Variants in COLGALT2 observed in about 807,000 individuals in gnomAD.
COLGALT2 encodes collagen beta(1-O)galactosyltransferase 2, also known as procollagen galactosyltransferase 2.
COLGALT2 carries 49 observed loss-of-function variants against 73.4 expected under a neutral mutation model. That is an observed-to-expected ratio of 0.67 (90% CI 0.53 to 0.85). COLGALT2 has a LOEUF of 0.85. Among genes scored for constraint, COLGALT2 ranks in the 40% least tolerant of loss-of-function variants. The pLI, the probability that COLGALT2 is intolerant of heterozygous loss-of-function variation, is 0.00. For synonymous variants in COLGALT2, 295 were observed against 307.6 expected, an observed-to-expected ratio of 0.96 and a Z score of 0.43; for missense variants, 722 against 790.2, an observed-to-expected ratio of 0.91 and a Z score of 1.03.
intron 10 of COLGALT2, 96 bp downstream of exon 10, chr1:183,944,100 T>G (rs1670184517): frequency 1.5e-6 from 2 of 1,342,806 alleles, no homozygotes; most frequent in African/African-American, 3.0e-5. Context: ...AAGCTTAAGC[T>G]GTATCTCCTA....
At chr1:183,950,176 T>C (rs1037826969) in intron 8 of COLGALT2, among the ~76,000 whole-genome samples, 3 of 152,174 alleles carry the variant, frequency 2.0e-5, no homozygotes, top group Non-Finnish European at 4.4e-5. Flanking sequence ...GGGTCCAGCC[T>C]CAGAGAGCAT....
chr1:183,946,777 A>G (rs1670261044), intron 8 of COLGALT2, among the ~76,000 whole-genome samples: 1 of 152,216 alleles, frequency 6.6e-6, no homozygotes, highest in African/African-American at 2.4e-5. Flanking sequence ...CACGCCTGTA[A>G]TCCCACGACT....
chr1:183,997,400 C>T (rs1340353267), intron 1 of COLGALT2, among the ~76,000 whole-genome samples: 1 of 152,148 alleles, frequency 6.6e-6, no homozygotes, highest in African/African-American at 2.4e-5. Flanking sequence ...AGTTACTCCT[C>T]TTCCTTCTCG....
In COLGALT2 at chr1:183,960,149, T is replaced by C. The variant is rs143105316; in HGVS notation, c.952+3752A>G. Among the ~76,000 whole-genome samples the C allele has an allele frequency of 2.1e-3, 324 of 152,288 alleles. 3 individuals carry two copies. Among genetic ancestry groups the C allele is most frequent in the South Asian group, 0.013 (64 of 4,828 alleles). ...CAGCCTGATTATCTCTTCTAACACCTTCATTGGCTCCTTAAGATAGGAATT... is the reference window on the plus strand; with the variant it reads ...CAGCCTGATTATCTCTTCTAACACCCTCATTGGCTCCTTAAGATAGGAATT... On this transcript the variant is annotated intron_variant, in intron 6 of 11. Transcript: ENST00000361927.
At chr1:184,004,306 A>G (rs539124268) in intron 1 of COLGALT2, among the ~76,000 whole-genome samples, 44 of 152,350 alleles carry the variant, frequency 2.9e-4, no homozygotes, top group Non-Finnish European at 4.7e-4. Flanking sequence ...GAAGTCTGGT[A>G]ATAATAGGAA....
intron 1 of COLGALT2, among the ~76,000 whole-genome samples, chr1:184,026,258 TG>T (rs1405856660): frequency 6.6e-6 from 1 of 152,136 alleles, no homozygotes; most frequent in Non-Finnish European, 1.5e-5. Flanking sequence ...TCCAGGTGAT[TG>T]TTATTTTCTT....
intron 1 of COLGALT2, among the ~76,000 whole-genome samples, chr1:183,985,419 TG>T (rs1671460711): frequency 6.6e-6 from 1 of 152,172 alleles, no homozygotes; most frequent in South Asian, 2.1e-4. Context: ...ATTACAGGCA[TG>T]CGCCACCATG....
At chr1:183,996,022 G>A (rs1374540747) in intron 1 of COLGALT2, among the ~76,000 whole-genome samples, 3 of 152,100 alleles carry the variant, frequency 2.0e-5, no homozygotes, top group South Asian at 4.2e-4. Context: ...CTAAGTAAAC[G>A]AATCTTGTGT....
chr1:183,936,534 A>T lies in COLGALT2; in HGVS notation c.*2227T>A. ...CTGACAGGGGAACAGGAAAAAAAAA[A>T]TTCTCTATTAAACAAAACACCACAA... On this transcript the variant is annotated 3_prime_UTR_variant, in exon 12 of 12. Transcript: ENST00000361927. 9.5e-7 allele frequency: 1 copy of T among 1,053,160 alleles called. No homozygotes were observed. Among genetic ancestry groups the T allele is most frequent in the Non-Finnish European group, 1.1e-6 (1 of 874,730 alleles). 65.2% of individuals were successfully genotyped at this position (1,053,160 alleles called of 1,614,324 possible).
chr1:183,961,267 T>C (rs928290739), intron 6 of COLGALT2, among the ~76,000 whole-genome samples: 2 of 152,222 alleles, frequency 1.3e-5, no homozygotes, highest in Non-Finnish European at 2.9e-5. Context: ...TCAAATGAAC[T>C]CTACCTGGCT....
intron 1 of COLGALT2, 131 bp downstream of exon 1, chr1:184,036,964 C>T: frequency 1.3e-6 from 1 of 794,634 alleles, no homozygotes; most frequent in Non-Finnish European, 1.7e-6. Flanking sequence ...GTGTGTGCGC[C>T]AGATTTTCCG....
intron 1 of COLGALT2, among the ~76,000 whole-genome samples, chr1:184,023,893 G>T (rs1040935156): frequency 6.6e-6 from 1 of 151,544 alleles, no homozygotes; most frequent in Non-Finnish European, 1.5e-5. Context: ...TGCTTCTGTT[G>T]TTCATGAAAA....
intron 6 of COLGALT2, among the ~76,000 whole-genome samples, chr1:183,962,162 T>TTC (rs1670726596): frequency 7.9e-6 from 1 of 126,780 alleles, no homozygotes; most frequent in Non-Finnish European, 1.7e-5. Context: ...TTCTTTTTTT[T>TTC]TTTTTTTTTT....
chr1:183,949,765 G>T lies in COLGALT2; in HGVS notation c.1136+1242C>A, dbSNP rs78338079. Among the ~76,000 whole-genome samples, 15 of 152,300 alleles carry T rather than the reference G, an allele frequency of 9.8e-5. No homozygotes were observed. The East Asian group carries it at 2.9e-3, about 29-fold the overall frequency. On this transcript the variant is annotated intron_variant, in intron 8 of 11. Transcript: ENST00000361927. ...AAATGAAAAACTCTTTTGCTTCAAT[G>T]TATACCATCATGAAATTGTGACAAT...
intron 6 of COLGALT2, among the ~76,000 whole-genome samples, chr1:183,963,405 G>A (rs1271933811): frequency 6.6e-6 from 1 of 152,082 alleles, no homozygotes; most frequent in Non-Finnish European, 1.5e-5. Flanking sequence ...AAAGTGCTTA[G>A]CATTTTATGA....
intron 8 of COLGALT2, 93 bp from the exon 9 acceptor site, chr1:183,945,657 T>TC: frequency 7.0e-7 from 1 of 1,420,138 alleles, no homozygotes; most frequent in African/African-American, 1.4e-5. Context: ...CAAACACCCC[T>TC]CCCCCACACA....
chr1:183,954,944 A>C, intron 6 of COLGALT2, 106 bp from the exon 7 acceptor site: 1 of 851,360 alleles, frequency 1.2e-6, no homozygotes, highest in Admixed American at 2.0e-5. Context: ...ACTTGGAAAT[A>C]CAGGGCAGGG....
At chr1:183,968,708 T>C (rs1670949349) in intron 5 of COLGALT2, among the ~76,000 whole-genome samples, 1 of 152,160 alleles carries the variant, frequency 6.6e-6, no homozygotes, top group Non-Finnish European at 1.5e-5. Context: ...CTCCCTGTTG[T>C]TTCTGCCTTG....
chr1:183,994,668 T>A (rs529308105), intron 1 of COLGALT2, among the ~76,000 whole-genome samples: 1 of 152,088 alleles, frequency 6.6e-6, no homozygotes, highest in African/African-American at 2.4e-5. Flanking sequence ...TTGGCCAGGC[T>A]GGTCTCAAAC....
Sources: gnomAD v4.1 joint callset for allele counts (sites outside exome capture counted in the v4.1 genomes callset) on GRCh38, gnomAD v4.1.1 for gene constraint, MANE v1.5 for transcripts, NCBI Gene and HGNC (gene_info 2026-07-23, HGNC 2026-07-21) for gene names.